PIK3C2G: variants seen among roughly 807,000 people sequenced by gnomAD.
The protein encoded by PIK3C2G is phosphatidylinositol 3-kinase C2 domain-containing subunit gamma.
Under a neutral mutation model 181.1 loss-of-function variants are expected in PIK3C2G, and 168 were observed. That is an observed-to-expected ratio of 0.93 (90% CI 0.82 to 1.05). The LOEUF (loss-of-function observed/expected upper bound fraction) is 1.05, where lower values mean the gene tolerates loss of function less well. Among genes scored for constraint, PIK3C2G ranks in the 50% least tolerant of loss-of-function variants. The probability of loss-of-function intolerance (pLI) is 0.00; values close to 1 mark genes in which losing one functional copy is unlikely to be tolerated. For synonymous variants in PIK3C2G, 573 were observed against 592.2 expected, an observed-to-expected ratio of 0.97 and a Z score of 0.47; for missense variants, 1,869 against 1,732.8, an observed-to-expected ratio of 1.08 and a Z score of -1.40.
intron 18 of PIK3C2G, among the ~76,000 whole-genome samples, chr12:18,477,720 C>A (rs1243966460): frequency 6.6e-6 from 1 of 152,130 alleles, no homozygotes; most frequent in Non-Finnish European, 1.5e-5. Flanking sequence ...TCCCAGAGAA[C>A]CTTTAATACC....
At chr12:18,611,977 C>A (rs1254916114) in intron 31 of PIK3C2G, among the ~76,000 whole-genome samples, 1 of 152,044 alleles carries the variant, frequency 6.6e-6, no homozygotes, top group Non-Finnish European at 1.5e-5. Context: ...TCCTGTCATT[C>A]CTCTCTTCAT....
At chr12:18,572,743 C>T (rs1391884564) in intron 29 of PIK3C2G, among the ~76,000 whole-genome samples, 1 of 151,974 alleles carries the variant, frequency 6.6e-6, no homozygotes, top group Non-Finnish European at 1.5e-5. Flanking sequence ...ATCCTTTATG[C>T]CTCCTACTCC....
At chr12:18,711,990 T>C in the PIK3C2G span, among the ~76,000 whole-genome samples, 1 of 152,282 alleles carries the variant, frequency 6.6e-6, no homozygotes, top group Non-Finnish European at 1.5e-5. Context: ...GATAAATTTA[T>C]ATAAATTTGT....
chr12:18,264,363 T>C (rs1306809820), intron 1 of PIK3C2G, among the ~76,000 whole-genome samples: 2 of 152,104 alleles, frequency 1.3e-5, no homozygotes, highest in African/African-American at 4.8e-5. Flanking sequence ...TTCACTCACC[T>C]CCCCTTCTGG....
In PIK3C2G at chr12:18,617,585, G is replaced by T. The variant is rs1205146954; in HGVS notation, c.4182+7956G>T. Among the ~76,000 whole-genome samples the T allele has an allele frequency of 2.0e-5, 3 of 152,034 alleles. No individual in the cohort carries two copies. The South Asian group carries it at 6.2e-4, about 32-fold the overall frequency. On this transcript the variant is annotated intron_variant, in intron 31 of 32. Transcript: ENST00000538779. ...TTCACAATTATGAGCCCTTATTTTTGATTCTAGATTGTATTATAGCATTAG... is the reference window on the plus strand; with the variant it reads ...TTCACAATTATGAGCCCTTATTTTTTATTCTAGATTGTATTATAGCATTAG...
At chr12:18,711,251 G>A in the PIK3C2G span, among the ~76,000 whole-genome samples, 1 of 151,296 alleles carries the variant, frequency 6.6e-6, no homozygotes, top group Non-Finnish European at 1.5e-5. Flanking sequence ...GGATGAAACT[G>A]GAAACCATCA....
intron 1 of PIK3C2G, among the ~76,000 whole-genome samples, chr12:18,269,498 C>A (rs1267623139): frequency 6.6e-6 from 1 of 152,168 alleles, no homozygotes; most frequent in African/African-American, 2.4e-5. Context: ...CAAACCATGT[C>A]CTGTAAAGTG....
At chr12:18,391,830 T>C (rs527463985) in intron 15 of PIK3C2G, among the ~76,000 whole-genome samples, 57 of 151,974 alleles carry the variant, frequency 3.8e-4, no homozygotes, top group Non-Finnish European at 5.9e-4. Context: ...GCCAAGGGCA[T>C]CAAACTGAGA....
At chr12:18,657,208 A>C in the PIK3C2G span, among the ~76,000 whole-genome samples, 1 of 152,204 alleles carries the variant, frequency 6.6e-6, no homozygotes. Context: ...AAGGAATAAT[A>C]GAGTTGGAAC....
chr12:18,646,926 A>C (rs1388154933), intron 32 of PIK3C2G, among the ~76,000 whole-genome samples: 2 of 152,098 alleles, frequency 1.3e-5, no homozygotes, highest in Non-Finnish European at 2.9e-5. Flanking sequence ...AAAAAGTCAC[A>C]AAAAAAGAAC....
intron 31 of PIK3C2G, among the ~76,000 whole-genome samples, chr12:18,620,147 T>G (rs1400381671): frequency 6.6e-6 from 1 of 152,174 alleles, no homozygotes; most frequent in African/African-American, 2.4e-5. Flanking sequence ...TCTATGAAAG[T>G]CAATTAAGTC....
intron 12 of PIK3C2G, among the ~76,000 whole-genome samples, chr12:18,369,019 C>A (rs758008172): frequency 5.9e-5 from 9 of 152,174 alleles, no homozygotes; most frequent in Non-Finnish European, 8.8e-5. Flanking sequence ...CCGCACCTTT[C>A]AGTTGGACAA....
rs532583928 is a variant in PIK3C2G at position 18,591,414 on chromosome 12, TCA to T, written c.4012-3077_4012-3076del. On this transcript the variant is annotated intron_variant, in intron 29 of 32. Transcript: ENST00000538779. ...TTGAAGAGGAGCATAAGGGAATAAG[TCA>T]CAATCTCTGTACTTGTATTTTACTA... Among the ~76,000 whole-genome samples the T allele has an allele frequency of 4.1e-3, 627 of 151,944 alleles. 6 individuals carry two copies. The highest frequency in any genetic ancestry group is 0.011 in the South Asian group (54 of 4,822).
At chr12:18,403,101 G>A (rs1944341340) in intron 16 of PIK3C2G, among the ~76,000 whole-genome samples, 2 of 152,048 alleles carry the variant, frequency 1.3e-5, no homozygotes, top group Admixed American at 6.5e-5. Context: ...AAATATCTTG[G>A]CTATCCTAAA....
At chr12:18,498,722 C>G (rs1339009069) in intron 22 of PIK3C2G, among the ~76,000 whole-genome samples, 3 of 152,128 alleles carry the variant, frequency 2.0e-5, no homozygotes, top group Non-Finnish European at 4.4e-5. Flanking sequence ...AAAACACCTC[C>G]AAATTCACTC....
chr12:18,365,570 A>G (rs946031042), intron 12 of PIK3C2G, among the ~76,000 whole-genome samples: 5 of 152,166 alleles, frequency 3.3e-5, no homozygotes, highest in African/African-American at 1.2e-4. Flanking sequence ...TTTGCTTTCC[A>G]CATGGCTGAC....
At chr12:18,615,214 A>G (rs1948538214) in intron 31 of PIK3C2G, among the ~76,000 whole-genome samples, 1 of 151,918 alleles carries the variant, frequency 6.6e-6, no homozygotes, top group Non-Finnish European at 1.5e-5. Flanking sequence ...TGAGAATATA[A>G]AATGTTTAGT....
At chr12:18,292,290 GCAAA>G (rs975090594) in intron 4 of PIK3C2G, among the ~76,000 whole-genome samples, 5 of 137,606 alleles carry the variant, frequency 3.6e-5, no homozygotes, top group African/African-American at 5.6e-5. Flanking sequence ...ATGAATTTCA[GCAAA>G]CAATTAGGAA....
At chr12:18,591,742 A>G (rs755116490) in intron 29 of PIK3C2G, among the ~76,000 whole-genome samples, 1 of 151,926 alleles carries the variant, frequency 6.6e-6, no homozygotes, top group Admixed American at 6.6e-5. Context: ...GCAGTTAATT[A>G]TTAGATTTTC....
Sources: gnomAD v4.1 joint callset for allele counts (sites outside exome capture counted in the v4.1 genomes callset) on GRCh38, gnomAD v4.1.1 for gene constraint, MANE v1.5 for transcripts, NCBI Gene and HGNC (gene_info 2026-07-23, HGNC 2026-07-21) for gene names.